Variants in TCF4 observed in about 807,000 individuals in gnomAD.
TCF4 encodes the protein SL3-3 enhancer factor 2.
A neutral mutation model predicts 82.1 loss-of-function variants in TCF4; 3 were observed. The ratio of observed to expected loss-of-function variants is 0.04; its 90% confidence interval spans 0.02 to 0.09. The LOEUF is 0.09. TCF4 is among the 10% of genes least tolerant of loss of function. The probability of loss-of-function intolerance (pLI) is 1.00; values close to 1 mark genes in which losing one functional copy is unlikely to be tolerated. For missense variants in TCF4, 518 were observed against 852.7 expected, an observed-to-expected ratio of 0.61 and a Z score of 4.89; for synonymous variants, 276 against 309.6, an observed-to-expected ratio of 0.89 and a Z score of 1.14.
chr18:55,288,551 G>A (rs922395917), intron 8 of TCF4, among the ~76,000 whole-genome samples: 2 of 152,192 alleles, frequency 1.3e-5, no homozygotes, highest in Non-Finnish European at 1.5e-5. Flanking sequence ...AATTCTCTCC[G>A]CGGTGCTCAT....
intron 2 of TCF4, among the ~76,000 whole-genome samples, chr18:55,621,244 G>A (rs189321526): frequency 6.6e-5 from 10 of 150,438 alleles, no homozygotes; most frequent in Admixed American, 2.7e-4. Flanking sequence ...TTCATAGTGA[G>A]GAATAAATGA....
chr18:55,442,628 C>G (rs1282663785), intron 5 of TCF4, among the ~76,000 whole-genome samples: 1 of 152,096 alleles, frequency 6.6e-6, no homozygotes, highest in Non-Finnish European at 1.5e-5. Context: ...TTAAAAGCTA[C>G]AGAGAAAATC....
chr18:55,302,166 C>A (rs1220729743), intron 8 of TCF4, among the ~76,000 whole-genome samples: 1 of 152,188 alleles, frequency 6.6e-6, no homozygotes, highest in African/African-American at 2.4e-5. Flanking sequence ...GACCCTCGGC[C>A]ACGAGGCAAT....
At chr18:55,554,706 CA>C (rs1322308771) in intron 3 of TCF4, among the ~76,000 whole-genome samples, 1 of 152,178 alleles carries the variant, frequency 6.6e-6, no homozygotes, top group African/African-American at 2.4e-5. Flanking sequence ...TGTACAACCC[CA>C]GGGGGTGCCA....
chr18:55,250,669 G>C (rs1239273788), intron 15 of TCF4, among the ~76,000 whole-genome samples: 1 of 152,200 alleles, frequency 6.6e-6, no homozygotes, highest in Non-Finnish European at 1.5e-5. Context: ...GCGCCTAGCA[G>C]AGGGGCTGCC....
intron 8 of TCF4, chr18:55,321,833 T>C (rs1297105082): frequency 2.0e-6 from 3 of 1,493,152 alleles, no homozygotes; most frequent in Non-Finnish European, 1.8e-6. Context: ...CAGTTGCATT[T>C]TCCCATATGG....
At chr18:55,542,877 TA>T (rs2097176164) in intron 3 of TCF4, among the ~76,000 whole-genome samples, 1 of 152,112 alleles carries the variant, frequency 6.6e-6, no homozygotes, top group African/African-American at 2.4e-5. Flanking sequence ...GTCTATTAAT[TA>T]AACATCTAAA....
intron 5 of TCF4, among the ~76,000 whole-genome samples, chr18:55,404,768 C>G (rs550231602): frequency 6.6e-6 from 1 of 152,280 alleles, no homozygotes; most frequent in African/African-American, 2.4e-5. Flanking sequence ...ATAAATTTTT[C>G]TATGTGGTCA....
chr18:55,384,747 T>C (rs533678989), intron 6 of TCF4, among the ~76,000 whole-genome samples: 1 of 152,270 alleles, frequency 6.6e-6, no homozygotes, highest in East Asian at 1.9e-4. Context: ...CAGGGGGCAC[T>C]TTGGGGCTAG....
chr18:55,560,123 T>C lies in TCF4; in HGVS notation c.145+25157A>G, dbSNP rs112593441. Among the ~76,000 whole-genome samples the C allele has an allele frequency of 6.2e-3, 950 of 152,350 alleles. 4 individuals carry two copies. Among genetic ancestry groups the C allele is most frequent in the Non-Finnish European group, 0.01 (707 of 68,040 alleles). ...GCTGTTTTATATAGAAAATATGTAATGCAACCCATCACAGAGAAAAAATTA... is the reference window on the plus strand; with the variant it reads ...GCTGTTTTATATAGAAAATATGTAACGCAACCCATCACAGAGAAAAAATTA... On this transcript the variant is annotated intron_variant, in intron 3 of 19. Coordinates refer to ENST00000354452, the MANE Select transcript of TCF4 (RefSeq NM_001083962.2).
At chr18:55,269,638 C>A in intron 11 of TCF4, 193 bp downstream of exon 11, 1 of 746,298 alleles carries the variant, frequency 1.3e-6, no homozygotes, top group Non-Finnish European at 2.2e-6. Flanking sequence ...ATTTCAGTGT[C>A]TTGTGACGAA....
chr18:55,599,981 A>G (rs892665080), intron 2 of TCF4, among the ~76,000 whole-genome samples: 1 of 151,788 alleles, frequency 6.6e-6, no homozygotes, highest in Non-Finnish European at 1.5e-5. Context: ...TGTATATTCA[A>G]CTCCATGTGG....
chr18:55,270,773 G>GT (rs2060185397), intron 10 of TCF4, among the ~76,000 whole-genome samples: 1 of 152,066 alleles, frequency 6.6e-6, no homozygotes, highest in Non-Finnish European at 1.5e-5. Flanking sequence ...TGGCAAATTA[G>GT]TTGCAATCCA....
Position 55,605,316 on chromosome 18 carries a change from G to A in TCF4, c.287-18180C>T, listed in dbSNP as rs556474520. Among the ~76,000 whole-genome samples the A allele has an allele frequency of 4.6e-5, 7 of 152,298 alleles. No homozygotes were observed. The Middle Eastern group carries it at 0.02, about 444-fold the overall frequency. On this transcript the variant is annotated intron_variant, in intron 2 of 20. Coordinates refer to the TCF4 transcript ENST00000398339. ...CGCAATCTTGGATCCTAAGTTTGGG[G>A]CACCACTGTGGCCTGTAACGAAACT...
chr18:55,398,143 T>C (rs1203658537), intron 6 of TCF4, among the ~76,000 whole-genome samples: 1 of 152,190 alleles, frequency 6.6e-6, no homozygotes, highest in Non-Finnish European at 1.5e-5. Flanking sequence ...TAAGTATTTC[T>C]TAACCAATGC....
intron 5 of TCF4, among the ~76,000 whole-genome samples, chr18:55,452,157 A>G (rs1048837043): frequency 6.6e-6 from 1 of 152,104 alleles, no homozygotes; most frequent in African/African-American, 2.4e-5. Context: ...CTCTGTTCCA[A>G]TGGGTCTGAT....
At chr18:55,389,594 T>C (rs1490277653) in intron 6 of TCF4, among the ~76,000 whole-genome samples, 1 of 152,040 alleles carries the variant, frequency 6.6e-6, no homozygotes, top group Non-Finnish European at 1.5e-5. Flanking sequence ...GAGAGAACCG[T>C]GAAAGAACTC....
intron 5 of TCF4, among the ~76,000 whole-genome samples, chr18:55,433,823 G>A (rs2095262617): frequency 6.6e-6 from 1 of 152,080 alleles, no homozygotes; most frequent in Non-Finnish European, 1.5e-5. Flanking sequence ...GGTTTTATGA[G>A]CTCTTCTCTC....
intron 3 of TCF4, among the ~76,000 whole-genome samples, chr18:55,560,994 A>G (rs1219143691): frequency 6.6e-6 from 1 of 152,254 alleles, no homozygotes; most frequent in East Asian, 1.9e-4. Flanking sequence ...CCTGGCTTTC[A>G]TTGCATGGCC....
Sources: gnomAD v4.1 joint callset for allele counts (sites outside exome capture counted in the v4.1 genomes callset) on GRCh38, gnomAD v4.1.1 for gene constraint, MANE v1.5 for transcripts, NCBI Gene and HGNC (gene_info 2026-07-23, HGNC 2026-07-21) for gene names.